SIL1: variants seen among roughly 807,000 people sequenced by gnomAD.
The protein encoded by SIL1 is SIL1 nucleotide exchange factor.
Under a neutral mutation model 49.1 loss-of-function variants are expected in SIL1, and 40 were observed. That is an observed-to-expected ratio of 0.81 (90% CI 0.63 to 1.06). The LOEUF is 1.06. SIL1 is among the 50% of genes least tolerant of loss of function. The pLI is 0.00. For missense variants in SIL1, 500 were observed against 572.6 expected (o/e 0.87, Z 1.29); for synonymous variants, 253 against 250.8 (o/e 1.01, Z -0.08).
rs187029043 is a variant in SIL1 at position 139,021,555 on chromosome 5, A to G, written c.646-263T>C. 1.2e-4 allele frequency among the ~76,000 whole-genome samples: 19 copies of G among 152,218 alleles called. 1 individual carries two copies. Among genetic ancestry groups the G allele is most frequent in the Admixed American group, 9.2e-4 (14 of 15,282 alleles). On this transcript the variant is annotated intron_variant, in intron 6 of 9. Transcript: ENST00000394817. ...CACCTAGCTATTGCTTATGCCAAAC[A>G]TGTCCTGGAAAATTCTAATATCATA...
At chr5:138,992,382 G>A (rs1281995639) in intron 7 of SIL1, among the ~76,000 whole-genome samples, 1 of 152,180 alleles carries the variant, frequency 6.6e-6, no homozygotes. Flanking sequence ...TAAGTTAACT[G>A]CATGCTCTTG....
At chr5:138,957,294 G>C (rs1357354914) in intron 7 of SIL1, among the ~76,000 whole-genome samples, 2 of 151,966 alleles carry the variant, frequency 1.3e-5, no homozygotes, top group Non-Finnish European at 2.9e-5. Context: ...AAATAGGCCA[G>C]GTGTGGTGGC....
intron 1 of SIL1, among the ~76,000 whole-genome samples, chr5:139,176,810 C>T (rs1751892953): frequency 6.6e-6 from 1 of 151,932 alleles, no homozygotes; most frequent in Admixed American, 6.6e-5. Flanking sequence ...GGAGGGGACA[C>T]ACATTCAGAC....
chr5:139,157,141 G>C (rs888668508), intron 1 of SIL1, among the ~76,000 whole-genome samples: 3 of 152,224 alleles, frequency 2.0e-5, no homozygotes, highest in African/African-American at 7.2e-5. Context: ...AAGCTTATCA[G>C]AGACTGAATT....
At position 139,042,613 on chromosome 5, in the gene SIL1, C is replaced by T; in HGVS notation, c.453+7G>A. The T allele has an allele frequency of 2.5e-6, 4 of 1,613,314 alleles. No homozygotes were observed. The highest frequency in any genetic ancestry group is 3.4e-6 in the Non-Finnish European group (4 of 1,179,266). On this transcript the variant is annotated splice_region_variant and intron_variant, in intron 5 of 9. Coordinates refer to ENST00000394817, the MANE Select transcript of SIL1 (RefSeq NM_022464.5). ...GGCTTATACTCACAGGAAAAATAAT[C>T]ACACACCTTGTCTTCCTTTGAACTC...
chr5:139,031,061 C>T (rs1376610134), intron 5 of SIL1, among the ~76,000 whole-genome samples: 2 of 152,176 alleles, frequency 1.3e-5, no homozygotes, highest in South Asian at 2.1e-4. Context: ...TATTTCCTTC[C>T]AGTAGTTTAT....
At chr5:139,004,709 T>C (rs912749925) in intron 7 of SIL1, among the ~76,000 whole-genome samples, 8 of 152,118 alleles carry the variant, frequency 5.3e-5, no homozygotes, top group African/African-American at 1.7e-4. Flanking sequence ...AACCTAACTG[T>C]CCATTAATGA....
intron 7 of SIL1, chr5:139,014,116 C>T (rs1010059871): frequency 4.6e-5 from 7 of 151,978 alleles, no homozygotes; most frequent in African/African-American, 1.7e-4. Context: ...GTCAGTTTTC[C>T]CAGCACTCTG....
At chr5:139,140,964 A>C (rs550098095) in intron 1 of SIL1, among the ~76,000 whole-genome samples, 2 of 152,186 alleles carry the variant, frequency 1.3e-5, no homozygotes, top group Non-Finnish European at 2.9e-5. Flanking sequence ...CAGGGTTTCC[A>C]TCCTGTGCTT....
At chr5:139,093,314 C>A (rs181141011) in intron 3 of SIL1, among the ~76,000 whole-genome samples, 108 of 152,290 alleles carry the variant, frequency 7.1e-4, no homozygotes, top group Non-Finnish European at 1.2e-3. Flanking sequence ...TTAGAAATTA[C>A]CCAGTCTCAA....
intron 5 of SIL1, among the ~76,000 whole-genome samples, chr5:139,042,035 G>A (rs1371502974): frequency 6.6e-6 from 1 of 152,190 alleles, no homozygotes; most frequent in African/African-American, 2.4e-5. Context: ...CCAAGGGGCT[G>A]TAATTCTTCA....
intron 7 of SIL1, among the ~76,000 whole-genome samples, chr5:139,004,832 T>G (rs1213182078): frequency 6.6e-6 from 1 of 152,202 alleles, no homozygotes; most frequent in Non-Finnish European, 1.5e-5. Flanking sequence ...GAGGACATTA[T>G]GTTAAGTGAC....
intron 1 of SIL1, among the ~76,000 whole-genome samples, chr5:139,149,229 G>T (rs1331352343): frequency 1.3e-5 from 2 of 152,152 alleles, no homozygotes; most frequent in African/African-American, 4.8e-5. Context: ...GCAGTTAACA[G>T]TCACGCCAAT....
chr5:139,183,078 G>A (rs573744998), intron 1 of SIL1, among the ~76,000 whole-genome samples: 3 of 152,152 alleles, frequency 2.0e-5, no homozygotes, highest in Non-Finnish European at 4.4e-5. Context: ...ACTGAAACCT[G>A]GATGAACTAA....
chr5:138,999,510 A>G (rs1767942779), intron 7 of SIL1, among the ~76,000 whole-genome samples: 1 of 152,160 alleles, frequency 6.6e-6, no homozygotes, highest in Admixed American at 6.5e-5. Context: ...AAAAATGAAA[A>G]TATTAGCCAG....
chr5:139,098,676 A>G (rs1037887526), intron 3 of SIL1, among the ~76,000 whole-genome samples: 2 of 152,164 alleles, frequency 1.3e-5, no homozygotes, highest in Non-Finnish European at 2.9e-5. Flanking sequence ...ATTGGAGAAA[A>G]TATCTGCAAA....
chr5:139,068,816 A>G (rs1769766071), intron 3 of SIL1, among the ~76,000 whole-genome samples: 1 of 152,178 alleles, frequency 6.6e-6, no homozygotes. Context: ...AATAAAAAGA[A>G]GAAGAAAGAA....
intron 3 of SIL1, among the ~76,000 whole-genome samples, chr5:139,116,557 T>C (rs1770993262): frequency 1.3e-5 from 2 of 152,186 alleles, no homozygotes. Context: ...GGCTGCCTCC[T>C]TACCTCCACT....
chr5:139,000,190 A>T (rs563545430), intron 7 of SIL1, among the ~76,000 whole-genome samples: 1 of 152,230 alleles, frequency 6.6e-6, no homozygotes, highest in East Asian at 1.9e-4. Flanking sequence ...GTTAAATTTC[A>T]TTGACTGTTT....
Sources: allele counts gnomAD v4.1 joint callset (sites outside exome capture counted in the v4.1 genomes callset), GRCh38; gene constraint gnomAD v4.1.1; transcripts MANE v1.5; gene names NCBI Gene and HGNC (gene_info 2026-07-23, HGNC 2026-07-21).